TCF12: variants seen among roughly 807,000 people sequenced by gnomAD.
TCF12 encodes the protein transcription factor 12, also known as DNA-binding protein HTF4.
In TCF12, 45 loss-of-function variants were observed where a neutral mutation model predicts 86.0. The ratio of observed to expected loss-of-function variants is 0.52; its 90% CI spans 0.41 to 0.67. The LOEUF is 0.67. Among genes scored for constraint, TCF12 ranks in the 30% least tolerant of loss-of-function variants. The pLI, the probability that TCF12 is intolerant of heterozygous loss-of-function variation, is 0.00. For synonymous variants in TCF12, 330 were observed against 299.6 expected, an observed-to-expected ratio of 1.10 and a Z score of -1.05; for missense variants, 881 against 859.9, an observed-to-expected ratio of 1.02 and a Z score of -0.31.
At chr15:57,077,259 G>C (rs1423375762) in intron 4 of TCF12, among the ~76,000 whole-genome samples, 1 of 151,546 alleles carries the variant, frequency 6.6e-6, no homozygotes, top group African/African-American at 2.4e-5. Flanking sequence ...ACAGTGTGGA[G>C]GCTTTTGATT....
At chr15:57,112,606 C>G (rs1188254478) in intron 5 of TCF12, among the ~76,000 whole-genome samples, 1 of 151,388 alleles carries the variant, frequency 6.6e-6, no homozygotes, top group East Asian at 1.9e-4. Context: ...TGTGGAAAAA[C>G]AGTGGACAGG....
intron 3 of TCF12, among the ~76,000 whole-genome samples, chr15:56,960,179 A>G (rs1015217108): frequency 6.6e-6 from 1 of 152,222 alleles, no homozygotes; most frequent in African/African-American, 2.4e-5. Context: ...TACTCAGTAT[A>G]GAAATCATTA....
At chr15:57,232,458 A>G (rs746709091) in intron 10 of TCF12, 28 bp downstream of exon 10, 25 of 1,565,388 alleles carry the variant, frequency 1.6e-5, no homozygotes, top group East Asian at 2.3e-5. Context: ...ACTAGGGTAC[A>G]GCAACACTTT....
chr15:57,228,539 A>G (rs2058990287), intron 8 of TCF12, among the ~76,000 whole-genome samples: 1 of 152,010 alleles, frequency 6.6e-6, no homozygotes, highest in Non-Finnish European at 1.5e-5. Flanking sequence ...TTTTCTCCAT[A>G]CAACTTCAAA....
In TCF12 at chr15:57,236,187, C is replaced by A. The variant is rs546243573; in HGVS notation, c.1035+2080C>A. 2.6e-5 allele frequency among the ~76,000 whole-genome samples: 4 copies of A among 152,278 alleles called. No individual in the cohort carries two copies. The East Asian group carries it at 5.8e-4, about 22-fold the overall frequency. On this transcript the variant is annotated intron_variant, in intron 12 of 20. Transcript: ENST00000333725. The stretch of plus-strand genomic sequence containing the variant: ...ATGCCATAGTCTGCACATTTCAAAT[C>A]CCTTCCTTCAATCCATCTGCTTCCC...
chr15:57,021,072 A>G (rs1305524258), intron 3 of TCF12, among the ~76,000 whole-genome samples: 2 of 152,156 alleles, frequency 1.3e-5, no homozygotes, highest in Non-Finnish European at 2.9e-5. Context: ...TTGAGAGTGG[A>G]AATTATCTCT....
intron 3 of TCF12, among the ~76,000 whole-genome samples, chr15:56,965,315 T>C (rs937645939): frequency 1.3e-5 from 2 of 152,176 alleles, no homozygotes; most frequent in African/African-American, 4.8e-5. Flanking sequence ...GTAGAAGTTT[T>C]GCTATTTTGA....
At chr15:57,199,285 A>G (rs555805314) in intron 8 of TCF12, among the ~76,000 whole-genome samples, 5 of 152,336 alleles carry the variant, frequency 3.3e-5, no homozygotes, top group African/African-American at 9.6e-5. Flanking sequence ...GTTCAACAGC[A>G]TAACAGATGA....
chr15:57,133,146 G>A (rs979988142), intron 5 of TCF12, among the ~76,000 whole-genome samples: 3 of 152,134 alleles, frequency 2.0e-5, no homozygotes, highest in African/African-American at 7.2e-5. Context: ...GTTGTTTTGT[G>A]TAGGATACAA....
chr15:57,102,884 T>G (rs1269113923), intron 5 of TCF12, among the ~76,000 whole-genome samples: 1 of 152,184 alleles, frequency 6.6e-6, no homozygotes, highest in Non-Finnish European at 1.5e-5. Context: ...TCAGAAATCT[T>G]TCAGAAAAAA....
chr15:57,081,865 G>A (rs550886645), intron 4 of TCF12, among the ~76,000 whole-genome samples: 13 of 152,156 alleles, frequency 8.5e-5, no homozygotes, highest in African/African-American at 2.2e-4. Flanking sequence ...CACTGCACCC[G>A]GCCCATGCTA....
At chr15:57,245,502 C>T (rs1210117609) in intron 13 of TCF12, among the ~76,000 whole-genome samples, 5 of 152,196 alleles carry the variant, frequency 3.3e-5, no homozygotes, top group African/African-American at 1.2e-4. Context: ...CCGAGGTTTC[C>T]ATATCAGCAT....
intron 5 of TCF12, among the ~76,000 whole-genome samples, chr15:57,112,101 G>C (rs954253689): frequency 2.0e-5 from 3 of 152,122 alleles, no homozygotes; most frequent in Non-Finnish European, 4.4e-5. Context: ...CCCCTCATCC[G>C]TCTTAAGAAG....
chr15:57,234,151 A>T, intron 12 of TCF12, 44 bp downstream of exon 12: 1 of 1,440,266 alleles, frequency 6.9e-7, no homozygotes, highest in Non-Finnish European at 9.8e-7. Context: ...ATTTTACACT[A>T]CTGAATACAG....
At chr15:56,985,157 C>A (rs1219195977) in intron 3 of TCF12, among the ~76,000 whole-genome samples, 3 of 152,120 alleles carry the variant, frequency 2.0e-5, no homozygotes, top group Non-Finnish European at 4.4e-5. Flanking sequence ...TATTTCCTTC[C>A]AGTGCTTCTA....
At chr15:57,101,425 G>A (rs1028187525) in intron 5 of TCF12, among the ~76,000 whole-genome samples, 1 of 152,094 alleles carries the variant, frequency 6.6e-6, no homozygotes, top group Non-Finnish European at 1.5e-5. Context: ...TGCCCAGGCT[G>A]GTCCGAACTC....
intron 3 of TCF12, among the ~76,000 whole-genome samples, chr15:56,999,703 G>A (rs1217777174): frequency 2.0e-5 from 3 of 151,776 alleles, no homozygotes; most frequent in Non-Finnish European, 4.4e-5. Flanking sequence ...GTGAGACCCC[G>A]TCTTTACTAA....
intron 5 of TCF12, among the ~76,000 whole-genome samples, chr15:57,104,251 A>T (rs182698561): frequency 6.6e-6 from 1 of 152,194 alleles, no homozygotes; most frequent in Admixed American, 6.5e-5. Flanking sequence ...ATACTTAAAT[A>T]AGACTATCTC....
chr15:57,191,743 G>C (rs1225976150), intron 6 of TCF12, among the ~76,000 whole-genome samples: 3 of 152,102 alleles, frequency 2.0e-5, no homozygotes, highest in Non-Finnish European at 2.9e-5. Flanking sequence ...TTTGAGTCCA[G>C]TCTGGCCCAC....
Sources: allele counts gnomAD v4.1 joint callset (sites outside exome capture counted in the v4.1 genomes callset), GRCh38; gene constraint gnomAD v4.1.1; transcripts MANE v1.5; gene names NCBI Gene and HGNC (gene_info 2026-07-23, HGNC 2026-07-21).